SH2B3: variants seen among roughly 807,000 people sequenced by gnomAD.
SH2B3 encodes the protein SH2B adapter protein 3.
In SH2B3, 43 loss-of-function variants were observed where a neutral mutation model predicts 51.9. That is an observed-to-expected ratio of 0.83 (90% CI 0.65 to 1.07). The LOEUF (loss-of-function observed/expected upper bound fraction) is 1.07, where lower values mean the gene tolerates loss of function less well. SH2B3 is among the 50% of genes least tolerant of loss of function. The pLI, the probability that SH2B3 is intolerant of heterozygous loss-of-function variation, is 0.00. For missense variants in SH2B3, 952 were observed against 834.3 expected, an observed-to-expected ratio of 1.14 and a Z score of -1.74; for synonymous variants, 396 against 376.0, an observed-to-expected ratio of 1.05 and a Z score of -0.62.
intron 2 of SH2B3, chr12:111,444,333 C>T (rs1372934785): frequency 6.6e-6 from 1 of 152,194 alleles, no homozygotes; most frequent in Non-Finnish European, 1.5e-5. Flanking sequence ...CTTTGAGATT[C>T]CTAGCAGCCA....
chr12:111,448,258 C>A lies in SH2B3; in HGVS notation c.1684C>A (p.Arg562=). ...DSDYEMDSSS[R]SHLRAIDNQY... ...GGACTACGAAATGGACTCATCCTCCCGGAGCCACCTGCGGGCCATAGACAA... is the reference window on the plus strand; with the variant it reads ...GGACTACGAAATGGACTCATCCTCCAGGAGCCACCTGCGGGCCATAGACAA... The change falls in exon 8 of 8, where the codon CGG becomes AGG. Residue 562 remains arginine, a synonymous_variant. Coordinates refer to ENST00000341259, the MANE Select transcript of SH2B3 (RefSeq NM_005475.3). 1 of 1,613,984 alleles carries A rather than the reference C, an allele frequency of 6.2e-7. No homozygotes were observed. The highest frequency in any genetic ancestry group is 8.5e-7 in the Non-Finnish European group (1 of 1,179,934).
rs746126135 is a variant in SH2B3 at position 111,451,610 on chromosome 12, T to G, written c.*3308T>G. 6.5e-5 allele frequency: 10 copies of G among 152,684 alleles called. No homozygotes were observed. The highest frequency in any genetic ancestry group is 1.5e-4 in the Non-Finnish European group (10 of 68,054). 9.5% of individuals were successfully genotyped at this position (152,684 alleles called of 1,614,324 possible). ...AATTGCTATATGTGAATTAAAAAGT[T>G]TTCAGAATCTTGATTTGCTGTCATA... On this transcript the variant is annotated 3_prime_UTR_variant, in exon 8 of 8. Coordinates refer to ENST00000341259, the MANE Select transcript of SH2B3 (RefSeq NM_005475.3).
At chr12:111,442,806 C>T (rs1370086241) in intron 2 of SH2B3, among the ~76,000 whole-genome samples, 1 of 152,260 alleles carries the variant, frequency 6.6e-6, no homozygotes, top group Non-Finnish European at 1.5e-5. Flanking sequence ...GGAGGCCATG[C>T]CATCAGCCTT....
In SH2B3 at chr12:111,448,170, C is replaced by T. The variant is rs376632712; in HGVS notation, c.1596C>T (p.Pro532=). ...AGATCTTCCACCTGGTGCCTTCGCC[C>T]GAAGAACTGGCCAACAGCCTGCAGC... ...PEQIFHLVPS[P]EELANSLQHL... The change falls in exon 8 of 8, where the codon CCC becomes CCT. Residue 532 remains proline (P), a synonymous_variant. Coordinates refer to ENST00000341259, the MANE Select transcript of SH2B3 (RefSeq NM_005475.3). 17 of 1,613,944 alleles carry T rather than the reference C, an allele frequency of 1.1e-5. No homozygotes were observed. The highest frequency in any genetic ancestry group is 2.7e-5 in the African/African-American group (2 of 74,886).
intron 7 of SH2B3, 32 bp from the exon 8 acceptor site, chr12:111,447,951 A>G (rs1398935279): frequency 6.4e-7 from 1 of 1,569,532 alleles, no homozygotes; most frequent in Non-Finnish European, 8.7e-7. Context: ...CTCAAGACTG[A>G]TGGTGTGGTC....
rs1467555313 is a variant in SH2B3 at position 111,414,266 on chromosome 12, G to T, written c.-27-3853G>T. ...TTACTGTGTGCAAAGTACCTACTGT[G>T]TGCGGGTCCCAAGGACCCTGTGATG... is the stretch of plus-strand genomic sequence containing the variant. On this transcript the variant is annotated intron_variant, in intron 1 of 7. Coordinates refer to ENST00000341259, the MANE Select transcript of SH2B3 (RefSeq NM_005475.3). Among the ~76,000 whole-genome samples, 2 of 152,192 alleles carry T rather than the reference G, an allele frequency of 1.3e-5. 1 individual carries two copies. Among genetic ancestry groups the T allele is most frequent in the South Asian group, 4.1e-4 (2 of 4,832 alleles).
chr12:111,418,125 C>G lies in SH2B3; in HGVS notation c.-21C>G. ...CCACCCACGTGTCTTTCAGCCCGGC[C>G]GCACCACCTGGGTCTCCGCCATGAA... On this transcript the variant is annotated 5_prime_UTR_variant, in exon 2 of 8. Transcript: ENST00000341259. This position sits in a 1 kb window ranked among gnomAD's most constrained non-coding sequence, Gnocchi z 6.7. The G allele has an allele frequency of 6.8e-7, 1 of 1,479,092 alleles. No individual in the cohort carries two copies. The highest frequency in any genetic ancestry group is 8.9e-7 in the Non-Finnish European group (1 of 1,127,006). The allele number at this position is 1,479,092 out of a possible 1,614,324, so 91.6% of individuals were successfully genotyped here.
rs1362957287 is a variant in SH2B3 at position 111,451,255 on chromosome 12, T to TAACA, written c.*2954_*2957dup. On this transcript the variant is annotated 3_prime_UTR_variant, in exon 8 of 8. Transcript: ENST00000341259. ...TGGGCCAGAGAACACTATTTTTACA[T>TAACA]AACAGTTTCTTAACCTAAAGTCAAG... The TAACA allele has an allele frequency of 1.3e-5, 2 of 152,658 alleles. No homozygotes were observed. The highest frequency in any genetic ancestry group is 2.9e-5 in the Non-Finnish European group (2 of 68,048). The allele number at this position is 152,658 out of a possible 1,614,324, so 9.5% of individuals were successfully genotyped here. A position where few individuals can be genotyped will look rare whatever the true frequency, so the allele number is the denominator to read the frequency against.
chr12:111,447,605 G>A, intron 6 of SH2B3, 51 bp from the exon 7 acceptor site: 1 of 1,611,166 alleles, frequency 6.2e-7, no homozygotes, highest in South Asian at 1.1e-5. Context: ...CTCCACTGGA[G>A]TTCAGGGTCC....
chr12:111,418,945 C>CG lies in SH2B3; in HGVS notation c.732+71dup. ...CTTCGCCTTCACCCTGGGGAGAGCGCGGGCTGGGGAGGTGTGATGGCTTTC... is the reference window on the plus strand; with the variant it reads ...CTTCGCCTTCACCCTGGGGAGAGCGCGGGGCTGGGGAGGTGTGATGGCTTTC... On this transcript the variant is annotated intron_variant, in intron 2 of 7. Transcript: ENST00000341259. This position sits in a 1 kb window ranked among gnomAD's most constrained non-coding sequence, Gnocchi z 6.7. 2 of 1,318,938 alleles carry CG rather than the reference C, an allele frequency of 1.5e-6. No homozygotes were observed. The highest frequency in any genetic ancestry group is 9.7e-7 in the Non-Finnish European group (1 of 1,031,662). 81.7% of individuals were successfully genotyped at this position (1,318,938 alleles called of 1,614,324 possible).
intron 1 of SH2B3, among the ~76,000 whole-genome samples, chr12:111,417,105 C>T (rs1187539464): frequency 6.6e-6 from 1 of 152,204 alleles, no homozygotes; most frequent in African/African-American, 2.4e-5. Flanking sequence ...GGAGCTCTCC[C>T]AGAGGTGGTG....
chr12:111,412,422 C>A (rs1379123672), intron 1 of SH2B3, among the ~76,000 whole-genome samples: 1 of 152,244 alleles, frequency 6.6e-6, no homozygotes, highest in Non-Finnish European at 1.5e-5. Context: ...CCCCATGACG[C>A]CCCGAGCCCA....
At chr12:111,447,907 C>T (rs141274399) in intron 7 of SH2B3, 76 bp from the exon 8 acceptor site, 21 of 1,554,392 alleles carry the variant, frequency 1.4e-5, no homozygotes, top group African/African-American at 4.1e-5. Context: ...CCCAGGGGTA[C>T]AGGTATCTTG....
rs1872816625 is a variant in SH2B3, at chr12:111,435,764, GT to G, written c.733-10988del. On this transcript the variant is annotated intron_variant, in intron 2 of 7. Coordinates refer to ENST00000341259, the MANE Select transcript of SH2B3 (RefSeq NM_005475.3). The surrounding 1 kb of genome is among the most constrained non-coding windows in gnomAD (Gnocchi z 4.8). ...CGTGGTTTGGGGCGTCCATGGCCTT[GT>G]GGTGGCGAGGCGCAGAAGGCGTCAC... 6.6e-6 allele frequency among the ~76,000 whole-genome samples: 1 copy of G among 152,214 alleles called. No homozygotes were observed. The highest frequency in any genetic ancestry group is 2.4e-5 in the African/African-American group (1 of 41,450).
At chr12:111,415,151 C>T (rs537116346) in intron 1 of SH2B3, among the ~76,000 whole-genome samples, 1 of 152,364 alleles carries the variant, frequency 6.6e-6, no homozygotes, top group East Asian at 1.9e-4. Context: ...TTGTGTTGTG[C>T]AGCCACTACC....
intron 2 of SH2B3, among the ~76,000 whole-genome samples, chr12:111,422,565 T>G (rs901813774): frequency 6.6e-6 from 1 of 150,852 alleles, no homozygotes; most frequent in African/African-American, 2.4e-5. Context: ...GCAGTTTTGT[T>G]TTTTTTTTTT....
rs747239451 is a variant in SH2B3, at chr12:111,447,341, G to T, written c.1033G>T (p.Gly345Trp). The stretch of plus-strand genomic sequence containing the variant: ...ATCTTATCTAACAGGTGCTTCTCCT[G>T]GGGGGCTGCTGGACCCGGCCTGCCA... ...TDSLNQGASP[G>W]GLLDPACQKT... The change falls in exon 6 of 8, where the codon GGG becomes TGG. Residue 345 changes from glycine (G) to tryptophan (W), a missense_variant. By Grantham distance (184) the Gly-to-Trp change is radical. Coordinates refer to ENST00000341259, the MANE Select transcript of SH2B3 (RefSeq NM_005475.3). 14 of 1,613,222 alleles carry T rather than the reference G, an allele frequency of 8.7e-6. No individual in the cohort carries two copies. In the African/African-American group the frequency reaches 1.6e-4, roughly 18 times the overall value.
At chr12:111,422,721 T>A (rs1370044259) in intron 2 of SH2B3, among the ~76,000 whole-genome samples, 1 of 152,100 alleles carries the variant, frequency 6.6e-6, no homozygotes, top group Non-Finnish European at 1.5e-5. Flanking sequence ...CTACCACGCC[T>A]GGCTAATTTT....
intron 2 of SH2B3, among the ~76,000 whole-genome samples, chr12:111,433,350 C>G (rs1872629073): frequency 6.6e-6 from 1 of 151,302 alleles, no homozygotes; most frequent in African/African-American, 2.4e-5. Flanking sequence ...GACTCTGACT[C>G]AGAAAAAAAA....
Sources: allele counts gnomAD v4.1 joint callset (sites outside exome capture counted in the v4.1 genomes callset), GRCh38; gene constraint gnomAD v4.1.1; non-coding constraint Gnocchi (gnomAD v3.1); transcripts MANE v1.5; gene names NCBI Gene and HGNC (gene_info 2026-07-23, HGNC 2026-07-21).